The following PDZRN3 variants were observed in gnomAD, a reference collection of about 807,000 sequenced individuals.
PDZRN3 encodes the protein E3 ubiquitin-protein ligase PDZRN3.
Under a neutral mutation model 85.7 loss-of-function variants are expected in PDZRN3, and 38 were observed. That is an observed-to-expected ratio of 0.44 (90% CI 0.34 to 0.58). The LOEUF is 0.58. PDZRN3 is among the 20% of genes least tolerant of loss of function. The pLI, the probability that PDZRN3 is intolerant of heterozygous loss-of-function variation, is 0.01. For synonymous variants in PDZRN3, 759 were observed against 638.0 expected (o/e 1.19, Z -2.86); for missense variants, 1,629 against 1,506.4 (o/e 1.08, Z -1.35).
chr3:73,533,508 T>G (rs1704707575), intron 3 of PDZRN3, among the ~76,000 whole-genome samples: 1 of 152,140 alleles, frequency 6.6e-6, no homozygotes, highest in Admixed American at 6.5e-5. Context: ...AACATATCTA[T>G]CCATGGCATA....
chr3:73,523,027 T>C (rs1345294866), intron 3 of PDZRN3, among the ~76,000 whole-genome samples: 1 of 152,020 alleles, frequency 6.6e-6, no homozygotes, highest in Non-Finnish European at 1.5e-5. Context: ...TGTTTGTTTG[T>C]TTGTTTGTTT....
chr3:73,437,037 C>T (rs1298153417), intron 3 of PDZRN3, among the ~76,000 whole-genome samples: 1 of 137,116 alleles, frequency 7.3e-6, no homozygotes, highest in Non-Finnish European at 1.5e-5. Flanking sequence ...CAGAGAAAGA[C>T]TCTGTCTCAA....
chr3:73,450,378 A>T (rs545046762), intron 3 of PDZRN3, among the ~76,000 whole-genome samples: 2 of 152,306 alleles, frequency 1.3e-5, no homozygotes, highest in South Asian at 2.1e-4. Flanking sequence ...TTGCTCATGG[A>T]TGTGCAGATT....
intron 3 of PDZRN3, among the ~76,000 whole-genome samples, chr3:73,432,559 G>A (rs1276424984): frequency 6.6e-6 from 1 of 152,108 alleles, no homozygotes; most frequent in Non-Finnish European, 1.5e-5. Flanking sequence ...TTTATCTTTA[G>A]GTTTTGTCCA....
chr3:73,596,133 G>A (rs547528643), intron 3 of PDZRN3, among the ~76,000 whole-genome samples: 2 of 152,206 alleles, frequency 1.3e-5, no homozygotes, highest in East Asian at 3.9e-4. Context: ...AAATAACACA[G>A]GTTAAAAGCC....
chr3:73,446,814 C>G (rs1031598704), intron 3 of PDZRN3, among the ~76,000 whole-genome samples: 1 of 151,970 alleles, frequency 6.6e-6, no homozygotes, highest in Non-Finnish European at 1.5e-5. Context: ...CTTTAAAATA[C>G]TGAATCCTAC....
chr3:73,402,559 G>C (rs889612023), intron 4 of PDZRN3: 6 of 152,266 alleles, frequency 3.9e-5, no homozygotes, highest in African/African-American at 1.4e-4. Context: ...TGTGCACACT[G>C]TGAGTGAATG....
intron 3 of PDZRN3, among the ~76,000 whole-genome samples, chr3:73,530,056 T>C (rs190900264): frequency 1.6e-4 from 25 of 152,344 alleles, no homozygotes; most frequent in Admixed American, 1.4e-3. Context: ...CCCATTCATG[T>C]AATCATAATT....
intron 1 of PDZRN3, among the ~76,000 whole-genome samples, chr3:73,619,122 C>T (rs1702812618): frequency 6.6e-6 from 1 of 152,102 alleles, no homozygotes; most frequent in South Asian, 2.1e-4. Context: ...TAATGCCTCC[C>T]CTAAACCTGA....
At chr3:73,502,939 C>T (rs941230907) in intron 3 of PDZRN3, among the ~76,000 whole-genome samples, 3 of 152,192 alleles carry the variant, frequency 2.0e-5, no homozygotes, top group South Asian at 2.1e-4. Context: ...TCATTTTGAT[C>T]TGTTAAGTAA....
chr3:73,385,684 A>T lies in PDZRN3; in HGVS notation c.1620T>A (p.Ala540=). 1.2e-6 allele frequency: 2 copies of T among 1,607,650 alleles called. No homozygotes were observed. Among genetic ancestry groups the T allele is most frequent in the Non-Finnish European group, 1.7e-6 (2 of 1,174,328 alleles). ...EQHHQAMQFT[A]SVLQQKKHDE... is the part of the protein sequence containing the mutation. ...TGGGCGTTACCTGCTGCAGCACGCTAGCTGTGAATTGCATGGCCTGGTGGT... is the reference window on the plus strand; with the variant it reads ...TGGGCGTTACCTGCTGCAGCACGCTTGCTGTGAATTGCATGGCCTGGTGGT... The change falls in exon 9 of 10, where the codon GCT becomes GCA. Residue 540 remains alanine (A), a synonymous_variant. Coordinates refer to ENST00000263666, the MANE Select transcript of PDZRN3 (RefSeq NM_015009.3).
intron 3 of PDZRN3, among the ~76,000 whole-genome samples, chr3:73,574,040 T>C (rs1464767060): frequency 6.6e-6 from 1 of 152,168 alleles, no homozygotes; most frequent in Non-Finnish European, 1.5e-5. Flanking sequence ...CCTCTGGACA[T>C]GAGTGGTTTG....
At chr3:73,412,595 G>A (rs1333960650) in intron 3 of PDZRN3, among the ~76,000 whole-genome samples, 1 of 152,162 alleles carries the variant, frequency 6.6e-6, no homozygotes, top group Non-Finnish European at 1.5e-5. Context: ...CAAAGCTTTG[G>A]GTCTGTTTGC....
Position 73,383,788 on chromosome 3 carries a change from G to A in PDZRN3, c.2778C>T (p.Arg926=). The A allele has an allele frequency of 6.2e-7, 1 of 1,613,526 alleles. No individual in the cohort carries two copies. Among genetic ancestry groups the A allele is most frequent in the Non-Finnish European group, 8.5e-7 (1 of 1,179,996 alleles). ...TGGTGATGTAGCGCGTCCCGTCGCT[G>A]CGGATCTTCACCTTCCACTCCATGC... The part of the protein sequence containing the change: ...EPRMEWKVKI[R]SDGTRYITKR... Residue 926 remains arginine, a synonymous_variant, in exon 10 of 10, where the codon CGC becomes CGT. Transcript: ENST00000263666.
chr3:73,456,466 T>C (rs146300258), intron 3 of PDZRN3, among the ~76,000 whole-genome samples: 171 of 152,330 alleles, frequency 1.1e-3, no homozygotes, highest in African/African-American at 4.0e-3. Flanking sequence ...CAAAATAATG[T>C]CTATTGCTAC....
chr3:73,410,447 T>C (rs1363069227), intron 3 of PDZRN3, among the ~76,000 whole-genome samples: 1 of 152,234 alleles, frequency 6.6e-6, no homozygotes, highest in Non-Finnish European at 1.5e-5. Context: ...TGTTGGGTTC[T>C]AGTTGGGACC....
chr3:73,442,105 C>A (rs1702649771), intron 3 of PDZRN3, among the ~76,000 whole-genome samples: 1 of 152,150 alleles, frequency 6.6e-6, no homozygotes, highest in Non-Finnish European at 1.5e-5. Context: ...TGATCTGGGC[C>A]AGGCTCCCAG....
At chr3:73,583,334 T>C (rs1702228015) in intron 3 of PDZRN3, among the ~76,000 whole-genome samples, 1 of 152,236 alleles carries the variant, frequency 6.6e-6, no homozygotes, top group South Asian at 2.1e-4. Context: ...ACGACTGAGG[T>C]AGAATTTTAT....
rs1432089948 is a variant in PDZRN3 at position 73,385,699 on chromosome 3, G to A, written c.1605C>T (p.Ala535=). ...MDMLEEQHHQ[A]MQFTASVLQQ... The stretch of plus-strand genomic sequence containing the variant: ...GCAGCACGCTAGCTGTGAATTGCAT[G>A]GCCTGGTGGTGCTGCTCCTCCAGCA... The change falls in exon 9 of 10, where the codon GCC becomes GCT. Residue 535 remains alanine (A), a synonymous_variant. Coordinates refer to ENST00000263666, the MANE Select transcript of PDZRN3 (RefSeq NM_015009.3). 2 of 1,612,540 alleles carry A rather than the reference G, an allele frequency of 1.2e-6. No homozygotes were observed. Among genetic ancestry groups the A allele is most frequent in the East Asian group, 2.2e-5 (1 of 44,858 alleles).
Sources: allele counts gnomAD v4.1 joint callset (sites outside exome capture counted in the v4.1 genomes callset), GRCh38; gene constraint gnomAD v4.1.1; transcripts MANE v1.5; gene names NCBI Gene and HGNC (gene_info 2026-07-23, HGNC 2026-07-21).